The following SMIM35 variants were observed in gnomAD, a reference collection of about 807,000 sequenced individuals.
The protein encoded by SMIM35 is small integral membrane protein 35.
At chr11:118,053,969 A>G (rs1359143906) in intron 1 of SMIM35, among the ~76,000 whole-genome samples, 1 of 152,088 alleles carries the variant, frequency 6.6e-6, no homozygotes, top group Non-Finnish European at 1.5e-5. Context: ...AAAAATCACA[A>G]TCACAGGATC....
chr11:118,086,170 A>C (rs181706960), intron 1 of SMIM35, among the ~76,000 whole-genome samples: 111 of 152,368 alleles, frequency 7.3e-4, no homozygotes, highest in Non-Finnish European at 1.0e-3. Context: ...AAATAGGAAT[A>C]GTTACATCTT....
chr11:118,003,729 T>G lies in SMIM35; in HGVS notation c.*2681A>C, dbSNP rs2058108472. On this transcript the variant is annotated 3_prime_UTR_variant, in exon 5 of 5. Coordinates refer to ENST00000689828, the MANE Select transcript of SMIM35 (RefSeq NM_001394165.1). ...GTTGGACATGGTGTGCAGCCCTGGG[T>G]ACAGAGTGGTGAACCAAACAAGTGT... 6.6e-6 allele frequency: 1 copy of G among 152,196 alleles called. No individual in the cohort carries two copies. The highest frequency in any genetic ancestry group is 2.4e-5 in the African/African-American group (1 of 41,432). The allele number at this position is 152,196 out of a possible 1,614,324, so 9.4% of individuals were successfully genotyped here. A position where few individuals can be genotyped will look rare whatever the true frequency, so the allele number is the denominator to read the frequency against.
At chr11:118,013,546 G>A (rs1361838934) in intron 4 of SMIM35, among the ~76,000 whole-genome samples, 3 of 152,216 alleles carry the variant, frequency 2.0e-5, no homozygotes, top group African/African-American at 7.2e-5. Flanking sequence ...GTGGACAGGA[G>A]GAAACAGGGC....
intron 1 of SMIM35, among the ~76,000 whole-genome samples, chr11:118,075,789 T>A (rs1465641211): frequency 1.3e-5 from 2 of 152,258 alleles, no homozygotes; most frequent in Admixed American, 1.3e-4. Flanking sequence ...ATTCATTATG[T>A]GACTTTGGGT....
intron 1 of SMIM35, among the ~76,000 whole-genome samples, chr11:118,021,974 A>G (rs2058234219): frequency 6.6e-6 from 1 of 152,106 alleles, no homozygotes; most frequent in African/African-American, 2.4e-5. Context: ...CATTGTTCTC[A>G]AGTATATATG....
At chr11:118,024,140 T>G (rs954532267) in intron 1 of SMIM35, among the ~76,000 whole-genome samples, 1 of 152,078 alleles carries the variant, frequency 6.6e-6, no homozygotes, top group Admixed American at 6.5e-5. Context: ...AAAAAAAAAT[T>G]TTGATGAGAT....
At chr11:118,019,947 A>G (rs972197557) in intron 1 of SMIM35, among the ~76,000 whole-genome samples, 1 of 152,124 alleles carries the variant, frequency 6.6e-6, no homozygotes, top group African/African-American at 2.4e-5. Flanking sequence ...ACACTGCTAC[A>G]TTATCTTAAT....
chr11:118,039,697 G>A (rs992295123), intron 1 of SMIM35, among the ~76,000 whole-genome samples: 32 of 150,972 alleles, frequency 2.1e-4, no homozygotes, highest in African/African-American at 5.8e-4. Context: ...GTGACAGAGC[G>A]AGACCCTGTC....
At chr11:118,036,813 A>G (rs2058362704) in intron 1 of SMIM35, among the ~76,000 whole-genome samples, 1 of 152,158 alleles carries the variant, frequency 6.6e-6, no homozygotes, top group African/African-American at 2.4e-5. Context: ...ATAGAGTGAA[A>G]ACAGAGCTCC....
At chr11:118,073,465 G>A (rs937307280) in intron 1 of SMIM35, among the ~76,000 whole-genome samples, 2 of 152,186 alleles carry the variant, frequency 1.3e-5, no homozygotes, top group Admixed American at 1.3e-4. Flanking sequence ...ATTTTGAGGG[G>A]CTTGGTTTTT....
At chr11:118,071,646 T>A (rs1591311647) in intron 1 of SMIM35, among the ~76,000 whole-genome samples, 1 of 152,282 alleles carries the variant, frequency 6.6e-6, no homozygotes, top group African/African-American at 2.4e-5. Flanking sequence ...CTGATCTCAA[T>A]TTACTTGGGT....
intron 1 of SMIM35, among the ~76,000 whole-genome samples, chr11:118,073,010 T>A (rs1944596647): frequency 6.6e-6 from 1 of 152,198 alleles, no homozygotes; most frequent in Non-Finnish European, 1.5e-5. Flanking sequence ...AACCTCCACC[T>A]GGGTTCAAGC....
At chr11:118,023,596 G>A (rs1356879558) in intron 1 of SMIM35, among the ~76,000 whole-genome samples, 1 of 146,910 alleles carries the variant, frequency 6.8e-6, no homozygotes, top group African/African-American at 2.5e-5. Flanking sequence ...TTCCAGGGAT[G>A]AAAACTACAA....
At chr11:118,053,509 C>A (rs1944255538) in intron 1 of SMIM35, among the ~76,000 whole-genome samples, 1 of 152,172 alleles carries the variant, frequency 6.6e-6, no homozygotes, top group African/African-American at 2.4e-5. Context: ...CTCTGGCAAC[C>A]CTTCCTTGGA....
At chr11:118,019,448 A>T (rs991985086) in intron 1 of SMIM35, among the ~76,000 whole-genome samples, 6 of 152,168 alleles carry the variant, frequency 3.9e-5, no homozygotes, top group Non-Finnish European at 7.3e-5. Flanking sequence ...AAGTTCAGGG[A>T]AGCCCAGGAA....
intron 1 of SMIM35, among the ~76,000 whole-genome samples, chr11:118,057,503 C>T (rs1226456559): frequency 6.6e-6 from 1 of 152,088 alleles, no homozygotes; most frequent in Non-Finnish European, 1.5e-5. Context: ...GGGTGGGAGA[C>T]TCCGCTGGGC....
intron 1 of SMIM35, among the ~76,000 whole-genome samples, chr11:118,044,164 CCTGCAGA>C (rs1565389726): frequency 6.6e-6 from 1 of 151,952 alleles, no homozygotes; most frequent in Admixed American, 6.6e-5. Flanking sequence ...ATCCAGGTTT[CCTGCAGA>C]TATGTAACAC....
intron 1 of SMIM35, among the ~76,000 whole-genome samples, chr11:118,040,787 A>G (rs1167617162): frequency 6.6e-6 from 1 of 152,188 alleles, no homozygotes; most frequent in African/African-American, 2.4e-5. Flanking sequence ...TATAACATAT[A>G]CAAATGTAAT....
chr11:118,079,423 TA>T (rs1426366555), intron 1 of SMIM35, among the ~76,000 whole-genome samples: 1 of 152,036 alleles, frequency 6.6e-6, no homozygotes, highest in Non-Finnish European at 1.5e-5. Context: ...TGGGTATTCC[TA>T]GGGAGAGCTG....
Sources: gnomAD v4.1 joint callset for allele counts (sites outside exome capture counted in the v4.1 genomes callset) on GRCh38, gnomAD v4.1.1 for gene constraint, MANE v1.5 for transcripts, NCBI Gene and HGNC (gene_info 2026-07-23, HGNC 2026-07-21) for gene names.